The following SV2B variants were observed in gnomAD, a reference collection of about 807,000 sequenced individuals.
The protein encoded by SV2B is synaptic vesicle glycoprotein 2B, also known as solute carrier family 22 member B2.
A neutral mutation model predicts 73.9 loss-of-function variants in SV2B; 41 were observed. That is an observed-to-expected ratio of 0.56 (90% CI 0.43 to 0.72). The LOEUF (loss-of-function observed/expected upper bound fraction) is 0.72, where lower values mean the gene tolerates loss of function less well. SV2B is among the 30% of genes least tolerant of loss of function. The pLI, the probability that SV2B is intolerant of heterozygous loss-of-function variation, is 0.00. For missense variants in SV2B, 764 were observed against 857.8 expected (o/e 0.89, Z 1.37); for synonymous variants, 314 against 314.2 (o/e 1.00, Z 0.01).
In SV2B at chr15:91,267,014, A is replaced by G; in HGVS notation, c.1119+322A>G. ...AATTTTAAAATAATCACATGGAGGA[A>G]GAAGTGAGTAAAATAAATGACCCCT... On this transcript the variant is annotated intron_variant, in intron 7 of 12. Coordinates refer to ENST00000394232, the MANE Select transcript of SV2B (RefSeq NM_001323032.3). The surrounding 1 kb of genome is among the most constrained non-coding windows in gnomAD (Gnocchi z 4.3). 4.7e-6 allele frequency: 1 copy of G among 212,166 alleles called. No individual in the cohort carries two copies. The highest frequency in any genetic ancestry group is 9.3e-6 in the Non-Finnish European group (1 of 107,762). 13.1% of individuals were successfully genotyped at this position (212,166 alleles called of 1,614,324 possible). A position where few individuals can be genotyped will look rare whatever the true frequency, so the allele number is the denominator to read the frequency against.
rs2042157348 is a variant in SV2B at position 91,115,615 on chromosome 15, G to A, written c.-392+15252G>A. 6.6e-6 allele frequency among the ~76,000 whole-genome samples: 1 copy of A among 151,736 alleles called. No individual in the cohort carries two copies. Among genetic ancestry groups the A allele is most frequent in the Admixed American group, 6.6e-5 (1 of 15,236 alleles). The stretch of plus-strand genomic sequence containing the variant: ...TGGTCTTGAACTCCTGAACTCAAGC[G>A]ATCCACCCGCCTCGACCTCTCAAAG... On this transcript the variant is annotated intron_variant, in intron 1 of 12. Transcript: ENST00000394232. The surrounding 1 kb of genome is among the most constrained non-coding windows in gnomAD (Gnocchi z 4.3).
At chr15:91,138,582 A>C (rs1388413670) in intron 1 of SV2B, among the ~76,000 whole-genome samples, 6 of 152,220 alleles carry the variant, frequency 3.9e-5, no homozygotes, top group Non-Finnish European at 5.9e-5. Context: ...GGATGGTTGC[A>C]TCTGTACTAA....
chr15:91,198,005 A>C (rs1006353972), intron 1 of SV2B, among the ~76,000 whole-genome samples: 3 of 152,226 alleles, frequency 2.0e-5, no homozygotes, highest in Non-Finnish European at 4.4e-5. Context: ...ATTACACTAC[A>C]GCCTGGGCAA....
chr15:91,268,375 T>C lies in SV2B; in HGVS notation c.1209-66T>C, dbSNP rs2048177047. 2 of 1,518,768 alleles carry C rather than the reference T, an allele frequency of 1.3e-6. No individual in the cohort carries two copies. Among genetic ancestry groups the C allele is most frequent in the East Asian group, 2.3e-5 (1 of 43,892 alleles). The allele number at this position is 1,518,768 out of a possible 1,614,324, so 94.1% of individuals were successfully genotyped here. On this transcript the variant is annotated intron_variant, in intron 8 of 12. Transcript: ENST00000394232. The surrounding 1 kb of genome is among the most constrained non-coding windows in gnomAD (Gnocchi z 4.4). ...AGTTTGATCTGCATCAAGTCAAGAG[T>C]GTAGACCCTGATCATGAAAGAATGA...
chr15:91,158,788 C>T lies in SV2B; in HGVS notation c.-392+58425C>T, dbSNP rs1161800753. Among the ~76,000 whole-genome samples, 5 of 149,366 alleles carry T rather than the reference C, an allele frequency of 3.3e-5. 1 individual carries two copies. In the Admixed American group the frequency reaches 3.4e-4, roughly 10 times the overall value. On this transcript the variant is annotated intron_variant, in intron 1 of 12. Transcript: ENST00000394232. ...CTCTCTCTTGCTCCCTGTCTCCTCC[C>T]TCCCTTTGTTCTTTCCTCTCTTCCT...
In SV2B at chr15:91,289,706, AG is replaced by A; in HGVS notation, c.1868+29del. On this transcript the variant is annotated intron_variant, in intron 12 of 12. Coordinates refer to ENST00000394232, the MANE Select transcript of SV2B (RefSeq NM_001323032.3). The surrounding 1 kb of genome is among the most constrained non-coding windows in gnomAD (Gnocchi z 4.9). Reference sequence around the variant, plus strand: ...GTCAGTTCTTCCCCAGGCTTTCCTCAGGGACTTGTTTGGGCTTCTTTGGCCA... The same window carrying A: ...GTCAGTTCTTCCCCAGGCTTTCCTCAGGACTTGTTTGGGCTTCTTTGGCCA... The A allele has an allele frequency of 6.2e-7, 1 of 1,605,310 alleles. No homozygotes were observed. The highest frequency in any genetic ancestry group is 8.5e-7 in the Non-Finnish European group (1 of 1,175,504).
Position 91,145,442 on chromosome 15 carries a change from A to G in SV2B, c.-392+45079A>G, listed in dbSNP as rs550422793. On this transcript the variant is annotated intron_variant, in intron 1 of 12. Transcript: ENST00000394232. ...CTTTGCTATTGTGAATAATGCTGCA[A>G]TGAACATACATGTGCATATGTTTTT... Among the ~76,000 whole-genome samples the G allele has an allele frequency of 3.9e-5, 6 of 152,322 alleles. No individual in the cohort carries two copies. In the South Asian group the frequency reaches 8.3e-4, roughly 21 times the overall value.
intron 1 of SV2B, among the ~76,000 whole-genome samples, chr15:91,109,917 G>A (rs751601770): frequency 1.3e-5 from 2 of 151,948 alleles, no homozygotes; most frequent in Non-Finnish European, 2.9e-5. Context: ...TTAATTTTTT[G>A]TAGAGACGAG....
At chr15:91,107,269 C>T (rs1375651288) in intron 1 of SV2B, among the ~76,000 whole-genome samples, 1 of 146,788 alleles carries the variant, frequency 6.8e-6, no homozygotes, top group Admixed American at 6.7e-5. Context: ...ACTGGGTTTG[C>T]ACTCAGACTT....
intron 9 of SV2B, among the ~76,000 whole-genome samples, chr15:91,270,350 C>T (rs984975816): frequency 1.3e-5 from 2 of 152,194 alleles, no homozygotes; most frequent in Non-Finnish European, 2.9e-5. Flanking sequence ...AGATATCTCA[C>T]AAAACTCCAG....
chr15:91,290,882 C>T lies in SV2B; in HGVS notation c.1868+1202C>T, dbSNP rs957721317. ...TTAGACAATTAGCCAGGCATAGTGGCATGTGCCTGTAGTCCTAGCTGCTCA... is the reference window on the plus strand; with the variant it reads ...TTAGACAATTAGCCAGGCATAGTGGTATGTGCCTGTAGTCCTAGCTGCTCA... On this transcript the variant is annotated intron_variant, in intron 12 of 12. Transcript: ENST00000394232. This position sits in a 1 kb window ranked among gnomAD's most constrained non-coding sequence, Gnocchi z 4.7. 6.6e-6 allele frequency among the ~76,000 whole-genome samples: 1 copy of T among 151,986 alleles called. No homozygotes were observed. Among genetic ancestry groups the T allele is most frequent in the African/African-American group, 2.4e-5 (1 of 41,394 alleles).
chr15:91,158,941 T>C (rs2043613034), intron 1 of SV2B, among the ~76,000 whole-genome samples: 1 of 151,864 alleles, frequency 6.6e-6, no homozygotes, highest in Non-Finnish European at 1.5e-5. Flanking sequence ...CAAGGTACTC[T>C]AATAAGGTTG....
intron 1 of SV2B, among the ~76,000 whole-genome samples, chr15:91,149,680 T>C (rs1180208476): frequency 6.6e-6 from 1 of 152,152 alleles, no homozygotes; most frequent in Non-Finnish European, 1.5e-5. Context: ...AATTCAACCT[T>C]GGCCAAGGTG....
intron 4 of SV2B, among the ~76,000 whole-genome samples, chr15:91,254,874 A>C (rs960634597): frequency 1.3e-5 from 2 of 152,204 alleles, no homozygotes; most frequent in Admixed American, 1.3e-4. Context: ...TGCTTGTTTC[A>C]TGGGGAAAGC....
chr15:91,289,757 C>A lies in SV2B; in HGVS notation c.1868+77C>A. On this transcript the variant is annotated intron_variant, in intron 12 of 12. Coordinates refer to ENST00000394232, the MANE Select transcript of SV2B (RefSeq NM_001323032.3). The surrounding 1 kb of genome is among the most constrained non-coding windows in gnomAD (Gnocchi z 4.9). Reference sequence around the variant, plus strand: ...AGAAGTCTACCTGCTCCCTAAATCTCATGCTGTGCATGGCCATCGTGGTCT... The same window carrying A: ...AGAAGTCTACCTGCTCCCTAAATCTAATGCTGTGCATGGCCATCGTGGTCT... The A allele has an allele frequency of 6.8e-7, 1 of 1,464,070 alleles. No homozygotes were observed. The highest frequency in any genetic ancestry group is 9.3e-7 in the Non-Finnish European group (1 of 1,079,422). The allele number at this position is 1,464,070 out of a possible 1,614,324, so 90.7% of individuals were successfully genotyped here.
chr15:91,138,226 A>G (rs74541118), intron 1 of SV2B, among the ~76,000 whole-genome samples: 3,573 of 152,352 alleles, frequency 0.023, 138 homozygotes, highest in African/African-American at 0.081. Flanking sequence ...GCTTTCTGCA[A>G]TGATAGGAAT....
At position 91,267,786 on chromosome 15, in the gene SV2B, G is replaced by T. The variant is rs574338486; in HGVS notation, c.1208+143G>T. ...CAAGTAGCAGAAAACCAACTCTAGT[G>T]GCTTCTACAAAGAAGAAACTTTTTT... On this transcript the variant is annotated intron_variant, in intron 8 of 12. Coordinates refer to ENST00000394232, the MANE Select transcript of SV2B (RefSeq NM_001323032.3). The surrounding 1 kb of genome is among the most constrained non-coding windows in gnomAD (Gnocchi z 4.3). 1.6e-4 allele frequency: 108 copies of T among 685,002 alleles called. No individual in the cohort carries two copies. The African/African-American group carries it at 1.6e-3, about 10-fold the overall frequency. The allele number at this position is 685,002 out of a possible 1,614,324, so 42.4% of individuals were successfully genotyped here.
intron 1 of SV2B, among the ~76,000 whole-genome samples, chr15:91,114,140 C>T (rs546708878): frequency 1.7e-4 from 24 of 142,636 alleles, no homozygotes; most frequent in Middle Eastern, 3.5e-3. Flanking sequence ...GCCGAGATCG[C>T]GCCACTGCAC....
intron 1 of SV2B, among the ~76,000 whole-genome samples, chr15:91,202,154 C>T (rs969568216): frequency 6.6e-6 from 1 of 152,168 alleles, no homozygotes; most frequent in African/African-American, 2.4e-5. Context: ...CTGCCCCCGT[C>T]GCCTCTGGTC....
Sources: allele counts gnomAD v4.1 joint callset (sites outside exome capture counted in the v4.1 genomes callset), GRCh38; gene constraint gnomAD v4.1.1; non-coding constraint Gnocchi (gnomAD v3.1); transcripts MANE v1.5; gene names NCBI Gene and HGNC (gene_info 2026-07-23, HGNC 2026-07-21).